Variants in KCNC2 observed in about 807,000 individuals in gnomAD.
The protein encoded by KCNC2 is voltage-gated potassium channel KCNC2.
KCNC2 carries 21 observed loss-of-function variants against 44.5 expected under a neutral mutation model. That is an observed-to-expected ratio of 0.47 (90% CI 0.33 to 0.68). KCNC2 has a LOEUF of 0.68. Ranked by LOEUF, KCNC2 falls within the 30% of genes least tolerant of loss-of-function variation. The pLI is 0.01. For missense variants in KCNC2, 589 were observed against 826.2 expected (o/e 0.71, Z 3.52); for synonymous variants, 391 against 339.1 (o/e 1.15, Z -1.68).
intron 2 of KCNC2, among the ~76,000 whole-genome samples, chr12:75,197,776 G>C (rs1357840118): frequency 6.6e-6 from 1 of 151,730 alleles, no homozygotes; most frequent in Non-Finnish European, 1.5e-5. Context: ...CAATCAGTGT[G>C]GACAAAGTAG....
In KCNC2 at chr12:75,043,131, G is replaced by A. The variant is rs201449607; in HGVS notation, c.1891C>T (p.Arg631Ter). 2.5e-5 allele frequency: 40 copies of A among 1,612,292 alleles called. No individual in the cohort carries two copies. Among genetic ancestry groups the A allele is most frequent in the Non-Finnish European group, 2.9e-5 (34 of 1,178,878 alleles). ...YNSPCPLRRS[R>*]SPIPSIL is the part of the protein sequence containing the mutation. ...TACAAGATAGATGGGATGGGAGATC[G>A]AGAGCGCCTCAGAGGACAAGGAGAG... Residue 631 changes from arginine to a stop codon, truncating the protein, a stop_gained, in exon 5 of 5, where the codon CGA becomes TGA. Transcript: ENST00000549446. LOFTEE classifies it high-confidence loss of function.
At chr12:75,089,376 C>T (rs923067915) in intron 2 of KCNC2, among the ~76,000 whole-genome samples, 1 of 151,832 alleles carries the variant, frequency 6.6e-6, no homozygotes, top group African/African-American at 2.4e-5. Context: ...AATATCTTCT[C>T]TTAGAAGCCT....
At position 75,071,410 on chromosome 12, in the gene KCNC2, A is replaced by G. The variant is rs569267161; in HGVS notation, c.688-20093T>C. On this transcript the variant is annotated intron_variant, in intron 2 of 4. Coordinates refer to ENST00000549446, the MANE Select transcript of KCNC2 (RefSeq NM_139137.4). ...TTTTGTTTTTCACAATCTTTAATGTAGGCAATTCAGGAGGAAACCCAACAC... is the reference window on the plus strand; with the variant it reads ...TTTTGTTTTTCACAATCTTTAATGTGGGCAATTCAGGAGGAAACCCAACAC... Among the ~76,000 whole-genome samples, 3 of 152,318 alleles carry G rather than the reference A, an allele frequency of 2.0e-5. No homozygotes were observed. The East Asian group carries it at 5.8e-4, about 29-fold the overall frequency.
chr12:75,198,597 T>C (rs920197729), intron 2 of KCNC2, among the ~76,000 whole-genome samples: 7 of 151,870 alleles, frequency 4.6e-5, no homozygotes, highest in Non-Finnish European at 7.4e-5. Context: ...TTTTACTACT[T>C]TTATCTAAAA....
In KCNC2 at chr12:75,189,288, A is replaced by C. The variant is rs138522245; in HGVS notation, c.687+18009T>G. Among the ~76,000 whole-genome samples, 1,030 of 152,296 alleles carry C rather than the reference A, an allele frequency of 6.8e-3. 3 individuals are homozygous for C. The highest frequency in any genetic ancestry group is 9.8e-3 in the Non-Finnish European group (665 of 68,024). ...AGTTCAGGAGGTGAAGAAAGTTACC[A>C]CCATGGTCACGTTCTCTACAACCAG... On this transcript the variant is annotated intron_variant, in intron 2 of 4. Coordinates refer to ENST00000549446, the MANE Select transcript of KCNC2 (RefSeq NM_139137.4).
At chr12:75,096,931 T>G (rs1324941501) in intron 2 of KCNC2, among the ~76,000 whole-genome samples, 1 of 152,060 alleles carries the variant, frequency 6.6e-6, no homozygotes, top group African/African-American at 2.4e-5. Flanking sequence ...ATGAGATATA[T>G]CCACACAAAA....
rs557590407 is a variant in KCNC2 at position 75,103,755 on chromosome 12, T to C, written c.688-52438A>G. Among the ~76,000 whole-genome samples, 16 of 152,312 alleles carry C rather than the reference T, an allele frequency of 1.1e-4. 1 individual carries two copies. In the East Asian group the frequency reaches 1.2e-3, roughly 11 times the overall value. On this transcript the variant is annotated intron_variant, in intron 2 of 4. Transcript: ENST00000549446. ...CTAACCCTATATACACTTTTTTCTATACACAACTATGATGAAGTTTAATGC... is the reference window on the plus strand; with the variant it reads ...CTAACCCTATATACACTTTTTTCTACACACAACTATGATGAAGTTTAATGC...
intron 2 of KCNC2, among the ~76,000 whole-genome samples, chr12:75,098,834 C>T (rs1886147984): frequency 6.6e-6 from 1 of 151,964 alleles, no homozygotes; most frequent in African/African-American, 2.4e-5. Flanking sequence ...AGAAGCTATA[C>T]AAAATCACAA....
At chr12:75,068,258 A>G (rs936888146) in intron 2 of KCNC2, among the ~76,000 whole-genome samples, 1 of 152,190 alleles carries the variant, frequency 6.6e-6, no homozygotes, top group African/African-American at 2.4e-5. Flanking sequence ...ACAGGTATCC[A>G]AGGGCTATTT....
At chr12:75,103,235 T>C (rs1427202811) in intron 2 of KCNC2, among the ~76,000 whole-genome samples, 1 of 152,220 alleles carries the variant, frequency 6.6e-6, no homozygotes, top group Non-Finnish European at 1.5e-5. Flanking sequence ...ATTCAGACTA[T>C]ATGCGTGGGT....
intron 2 of KCNC2, among the ~76,000 whole-genome samples, chr12:75,129,279 C>T (rs1413909196): frequency 6.6e-6 from 1 of 152,168 alleles, no homozygotes; most frequent in East Asian, 1.9e-4. Context: ...TAACAGGCTG[C>T]AGAAGAGTTG....
Position 75,207,554 on chromosome 12 carries a change from C to G in KCNC2, c.430G>C (p.Asp144His). The change falls in exon 2 of 5, where the codon GAC becomes CAC. Residue 144 changes from aspartate to histidine, a missense_variant. By Grantham distance (81) the Asp-to-His change is moderately conservative. Transcript: ENST00000549446. The surrounding 1 kb of genome is among the most constrained non-coding windows in gnomAD (Gnocchi z 4.1). ...CAGCAGGGCTCCACGTCGGTCTCGT[C>G]GATGCCCCAGAAGGCCAGCTCCTCC... ...FEEELAFWGI[D>H]ETDVEPCCWM... 2 of 1,612,212 alleles carry G rather than the reference C, an allele frequency of 1.2e-6. No individual in the cohort carries two copies. The highest frequency in any genetic ancestry group is 1.7e-6 in the Non-Finnish European group (2 of 1,179,878).
chr12:75,075,545 A>G (rs1883875275), intron 2 of KCNC2, among the ~76,000 whole-genome samples: 1 of 150,800 alleles, frequency 6.6e-6, no homozygotes, highest in South Asian at 2.1e-4. Flanking sequence ...ATGATTGAAA[A>G]CGAATTAGTG....
chr12:75,062,084 C>T (rs1275361935), intron 2 of KCNC2, among the ~76,000 whole-genome samples: 1 of 151,980 alleles, frequency 6.6e-6, no homozygotes, highest in African/African-American at 2.4e-5. Context: ...TTCATCTGTC[C>T]TAAAAATTAT....
intron 4 of KCNC2, among the ~76,000 whole-genome samples, chr12:75,045,189 T>C (rs961319170): frequency 6.6e-6 from 1 of 151,968 alleles, no homozygotes; most frequent in South Asian, 2.1e-4. Flanking sequence ...TTAATAATTA[T>C]ACATCATCAC....
rs141999159 is a variant in KCNC2, at chr12:75,202,331, T to C, written c.687+4966A>G. ...ATATTTAGTTGGCAATTAAATTTAC[T>C]TGATTATTTTAGTGATCTATTAATC... On this transcript the variant is annotated intron_variant, in intron 2 of 4. Transcript: ENST00000549446. Among the ~76,000 whole-genome samples the C allele has an allele frequency of 3.5e-4, 53 of 152,004 alleles. 1 individual carries two copies. In the East Asian group the frequency reaches 9.3e-3, roughly 27 times the overall value.
intron 2 of KCNC2, among the ~76,000 whole-genome samples, chr12:75,163,295 T>A (rs895968831): frequency 2.0e-5 from 3 of 151,698 alleles, no homozygotes; most frequent in African/African-American, 7.3e-5. Context: ...GGCCAAAAAC[T>A]CCAGAGGGAA....
intron 2 of KCNC2, among the ~76,000 whole-genome samples, chr12:75,166,478 A>G (rs992144898): frequency 5.3e-5 from 8 of 151,232 alleles, no homozygotes; most frequent in African/African-American, 1.9e-4. Flanking sequence ...ACAGATGTCT[A>G]TAAAACATTC....
intron 2 of KCNC2, among the ~76,000 whole-genome samples, chr12:75,112,410 G>C (rs1018471648): frequency 2.6e-5 from 4 of 151,952 alleles, no homozygotes; most frequent in Non-Finnish European, 5.9e-5. Context: ...AAAGTTCTGT[G>C]CTTTTTTTCT....
Sources: allele counts gnomAD v4.1 joint callset (sites outside exome capture counted in the v4.1 genomes callset), GRCh38; gene constraint gnomAD v4.1.1; non-coding constraint Gnocchi (gnomAD v3.1); transcripts MANE v1.5; gene names NCBI Gene and HGNC (gene_info 2026-07-23, HGNC 2026-07-21).